Variants in CYTH1 observed in about 807,000 individuals in gnomAD.
CYTH1 encodes cytohesin 1.
A neutral mutation model predicts 61.8 loss-of-function variants in CYTH1; 18 were observed. The observed-to-expected ratio is 0.29, with a 90% CI of 0.20 to 0.43. CYTH1 has a LOEUF of 0.43. Among genes scored for constraint, CYTH1 ranks in the 20% least tolerant of loss-of-function variants. The pLI, the probability that CYTH1 is intolerant of heterozygous loss-of-function variation, is 1.00. For missense variants in CYTH1, 336 were observed against 510.5 expected (o/e 0.66, Z 3.29); for synonymous variants, 174 against 184.3 (o/e 0.94, Z 0.45).
At chr17:78,685,203 C>CAAA (rs58642161) in intron 11 of CYTH1, among the ~76,000 whole-genome samples, 39 of 60,182 alleles carry the variant, frequency 6.5e-4, no homozygotes, top group Non-Finnish European at 8.3e-4. Context: ...GACTCTGTCT[C>CAAA]AAAAAAAAAA....
At chr17:78,732,542 T>C (rs184786050) in intron 1 of CYTH1, among the ~76,000 whole-genome samples, 4 of 152,324 alleles carry the variant, frequency 2.6e-5, no homozygotes, top group African/African-American at 9.6e-5. Flanking sequence ...TCTTCAAAAC[T>C]TGTCACAGCA....
intron 1 of CYTH1, among the ~76,000 whole-genome samples, chr17:78,774,271 A>T (rs1364256325): frequency 6.6e-6 from 1 of 152,242 alleles, no homozygotes; most frequent in Non-Finnish European, 1.5e-5. Flanking sequence ...CAAAGTGTGT[A>T]TAATTATGGC....
chr17:78,692,118 T>C (rs2092893208), intron 11 of CYTH1: 1 of 348,006 alleles, frequency 2.9e-6, no homozygotes, highest in Non-Finnish European at 5.3e-6. Context: ...AATTCATTCT[T>C]TCTAGCCCAG....
intron 1 of CYTH1, among the ~76,000 whole-genome samples, chr17:78,763,559 A>G (rs2093436944): frequency 2.0e-5 from 3 of 152,288 alleles, no homozygotes; most frequent in South Asian, 2.1e-4. Flanking sequence ...AAATTTATAA[A>G]GTAGGCAGAG....
intron 2 of CYTH1, chr17:78,709,342 C>T (rs1234431755): frequency 3.4e-6 from 1 of 291,798 alleles, no homozygotes; most frequent in Non-Finnish European, 6.3e-6. Context: ...TCCTCATCCA[C>T]TCTGCTCCGC....
intron 3 of CYTH1, among the ~76,000 whole-genome samples, chr17:78,706,880 T>C (rs1462346078): frequency 6.6e-6 from 1 of 152,256 alleles, no homozygotes; most frequent in Non-Finnish European, 1.5e-5. Flanking sequence ...CCAAGTTTTT[T>C]GCCCATTTTC....
chr17:78,770,285 T>A (rs1268430998), intron 1 of CYTH1, among the ~76,000 whole-genome samples: 1 of 135,406 alleles, frequency 7.4e-6, no homozygotes, highest in East Asian at 2.2e-4. Flanking sequence ...ATTGTGCCAC[T>A]GCACTCCAGC....
At chr17:78,776,386 A>G (rs2093490979) in intron 1 of CYTH1, among the ~76,000 whole-genome samples, 1 of 151,280 alleles carries the variant, frequency 6.6e-6, no homozygotes, top group African/African-American at 2.4e-5. Flanking sequence ...GCCAGGCGCA[A>G]TGGCTCACAC....
At position 78,680,887 on chromosome 17, in the gene CYTH1, T is replaced by C. The variant is rs2092754067; in HGVS notation, c.963+84A>G. On this transcript the variant is annotated intron_variant, in intron 12 of 13. Coordinates refer to ENST00000446868, the MANE Select transcript of CYTH1 (RefSeq NM_004762.6). ...TAAAAGCCTGATCACGCTTTTCAGT[T>C]TTTTGGTTTTGAGTTTTTTAAAAAA... 6 of 1,356,174 alleles carry C rather than the reference T, an allele frequency of 4.4e-6. 1 individual carries two copies. The East Asian group carries it at 1.4e-4, about 31-fold the overall frequency. 84.0% of individuals were successfully genotyped at this position (1,356,174 alleles called of 1,614,324 possible).
At chr17:78,688,413 G>A (rs533489028) in intron 11 of CYTH1, among the ~76,000 whole-genome samples, 1 of 152,234 alleles carries the variant, frequency 6.6e-6, no homozygotes, top group African/African-American at 2.4e-5. Flanking sequence ...TTGAGTACCA[G>A]AGTGACTCGT....
intron 1 of CYTH1, among the ~76,000 whole-genome samples, chr17:78,769,976 C>T (rs1198205676): frequency 2.6e-5 from 4 of 151,832 alleles, no homozygotes; most frequent in African/African-American, 7.3e-5. Context: ...ATGGTGAAAC[C>T]CCGTCTGTAC....
chr17:78,732,968 T>A (rs995359711), intron 1 of CYTH1, among the ~76,000 whole-genome samples: 8 of 151,362 alleles, frequency 5.3e-5, no homozygotes, highest in Admixed American at 4.6e-4. Flanking sequence ...GTTCCTGTAG[T>A]CCCAGCTACT....
intron 1 of CYTH1, among the ~76,000 whole-genome samples, chr17:78,714,641 C>T (rs967753278): frequency 2.6e-5 from 4 of 152,060 alleles, no homozygotes; most frequent in East Asian, 1.9e-4. Flanking sequence ...ATGTAGACAG[C>T]GGACACCTAA....
intron 7 of CYTH1, among the ~76,000 whole-genome samples, chr17:78,699,234 C>T (rs1435814909): frequency 2.0e-5 from 3 of 152,036 alleles, no homozygotes; most frequent in African/African-American, 7.3e-5. Context: ...CGTGGCTGCA[C>T]GCGCCTGTAA....
intron 1 of CYTH1, among the ~76,000 whole-genome samples, chr17:78,710,222 G>A (rs1366836971): frequency 2.0e-5 from 3 of 152,088 alleles, no homozygotes; most frequent in Non-Finnish European, 4.4e-5. Flanking sequence ...CTCTGGGAGG[G>A]GTTTGGAGAA....
chr17:78,744,573 T>C (rs1301810501), intron 1 of CYTH1, among the ~76,000 whole-genome samples: 1 of 152,196 alleles, frequency 6.6e-6, no homozygotes, highest in African/African-American at 2.4e-5. Flanking sequence ...CCTTCTACTT[T>C]GGTTACCTAA....
At chr17:78,724,970 C>A (rs939595880) in intron 1 of CYTH1, among the ~76,000 whole-genome samples, 3 of 152,160 alleles carry the variant, frequency 2.0e-5, no homozygotes, top group Admixed American at 2.0e-4. Flanking sequence ...CATACTAAGT[C>A]CATGAAAAAC....
intron 1 of CYTH1, among the ~76,000 whole-genome samples, chr17:78,770,669 G>T (rs943522052): frequency 6.6e-6 from 1 of 152,152 alleles, no homozygotes; most frequent in Non-Finnish European, 1.5e-5. Flanking sequence ...CGCCTGCCTC[G>T]GCCTGGGATT....
In CYTH1 at chr17:78,700,436, G is replaced by A. The variant is rs1435072578; in HGVS notation, c.445C>T (p.Leu149=). 8 of 1,612,230 alleles carry A rather than the reference G, an allele frequency of 5.0e-6. No homozygotes were observed. The highest frequency in any genetic ancestry group is 1.7e-4 in the Middle Eastern group (1 of 6,060). Residue 149 remains leucine (L), a synonymous_variant, in exon 7 of 14, where the codon CTG becomes TTG. Coordinates refer to ENST00000446868, the MANE Select transcript of CYTH1 (RefSeq NM_004762.6). This position sits in a 1 kb window ranked among gnomAD's most constrained non-coding sequence, Gnocchi z 5.1. ...TCTCCGGGTAGCCGGAAGCTCCACA[G>A]GAACTGCCTGAGTGGGTAAAGACAG... ...LNLVQALRQF[L]WSFRLPGEAQ...
Sources: allele counts gnomAD v4.1 joint callset (sites outside exome capture counted in the v4.1 genomes callset), GRCh38; gene constraint gnomAD v4.1.1; non-coding constraint Gnocchi (gnomAD v3.1); transcripts MANE v1.5; gene names NCBI Gene and HGNC (gene_info 2026-07-23, HGNC 2026-07-21).